GHR: variants seen among roughly 807,000 people sequenced by gnomAD.
GHR encodes growth hormone receptor.
Under a neutral mutation model 67.1 loss-of-function variants are expected in GHR, and 35 were observed. The observed-to-expected ratio is 0.52, with a 90% confidence interval of 0.40 to 0.69. GHR has a LOEUF of 0.69. GHR is among the 30% of genes least tolerant of loss of function. The probability of loss-of-function intolerance (pLI) is 0.00; values close to 1 mark genes in which losing one functional copy is unlikely to be tolerated. For synonymous variants in GHR, 272 were observed against 269.1 expected (o/e 1.01, Z -0.10); for missense variants, 792 against 764.6 (o/e 1.04, Z -0.42).
intron 1 of GHR, among the ~76,000 whole-genome samples, chr5:42,443,917 G>T (rs969001420): frequency 8.6e-5 from 13 of 151,480 alleles, no homozygotes; most frequent in Non-Finnish European, 1.6e-4. Flanking sequence ...CAACATATCT[G>T]GGCACCATGG....
chr5:42,716,427 G>A (rs1467230562), intron 8 of GHR, among the ~76,000 whole-genome samples: 1 of 152,114 alleles, frequency 6.6e-6, no homozygotes, highest in Non-Finnish European at 1.5e-5. Flanking sequence ...GGCTTTTCAA[G>A]CCATACAGTC....
At chr5:42,478,711 T>C (rs1442056048) in intron 1 of GHR, among the ~76,000 whole-genome samples, 1 of 152,206 alleles carries the variant, frequency 6.6e-6, no homozygotes, top group Non-Finnish European at 1.5e-5. Context: ...ATAAGAATGC[T>C]TGTGATTTTT....
chr5:42,478,346 A>C (rs1262623085), intron 1 of GHR, among the ~76,000 whole-genome samples: 1 of 152,228 alleles, frequency 6.6e-6, no homozygotes, highest in African/African-American at 2.4e-5. Context: ...CTTTTGGCTT[A>C]GGATTGACTT....
chr5:42,640,855 G>C (rs990828409), intron 3 of GHR, among the ~76,000 whole-genome samples: 3 of 152,002 alleles, frequency 2.0e-5, no homozygotes, highest in Non-Finnish European at 4.4e-5. Context: ...ACCCTCGTTT[G>C]AGAATCCCTG....
intron 1 of GHR, among the ~76,000 whole-genome samples, chr5:42,491,615 T>C (rs914526488): frequency 1.3e-5 from 2 of 152,234 alleles, no homozygotes; most frequent in African/African-American, 4.8e-5. Flanking sequence ...AGAACAGGCA[T>C]ACCTTATTGT....
At chr5:42,608,339 A>G (rs1580048571) in intron 2 of GHR, among the ~76,000 whole-genome samples, 1 of 152,316 alleles carries the variant, frequency 6.6e-6, no homozygotes, top group Non-Finnish European at 1.5e-5. Context: ...TTTTTTTTGT[A>G]GTACAAAGTT....
chr5:42,602,614 G>A (rs1282750165), intron 2 of GHR, among the ~76,000 whole-genome samples: 1 of 151,972 alleles, frequency 6.6e-6, no homozygotes, highest in Non-Finnish European at 1.5e-5. Context: ...TCAGTGTTTT[G>A]TTGGATTTTT....
At chr5:42,578,688 A>T (rs1750902146) in intron 2 of GHR, among the ~76,000 whole-genome samples, 1 of 152,218 alleles carries the variant, frequency 6.6e-6, no homozygotes, top group African/African-American at 2.4e-5. Context: ...TCATATATTC[A>T]TGTAGTTTTT....
chr5:42,449,571 G>A (rs1209075583), intron 1 of GHR, among the ~76,000 whole-genome samples: 1 of 152,104 alleles, frequency 6.6e-6, no homozygotes, highest in Non-Finnish European at 1.5e-5. Context: ...ATACAATCAT[G>A]TCATTGGTGA....
intron 1 of GHR, among the ~76,000 whole-genome samples, chr5:42,476,809 G>A (rs1297860419): frequency 6.6e-6 from 1 of 152,044 alleles, no homozygotes; most frequent in Admixed American, 6.5e-5. Flanking sequence ...CCCTGATAGG[G>A]GATGGTCTCT....
At chr5:42,438,592 T>C (rs933243282) in intron 1 of GHR, among the ~76,000 whole-genome samples, 19 of 152,212 alleles carry the variant, frequency 1.2e-4, no homozygotes, top group African/African-American at 3.4e-4. Context: ...TTTGAGCTGC[T>C]CTGTGGAAAG....
At chr5:42,689,064 C>A (rs752664268) in intron 4 of GHR, 45 bp downstream of exon 4, 1 of 1,539,914 alleles carries the variant, frequency 6.5e-7, no homozygotes, top group East Asian at 2.2e-5. Context: ...ATGGATGTAC[C>A]TACTAAAGTA....
intron 6 of GHR, among the ~76,000 whole-genome samples, chr5:42,710,070 T>C (rs920425158): frequency 2.7e-5 from 4 of 150,554 alleles, no homozygotes; most frequent in African/African-American, 9.8e-5. Flanking sequence ...AAGAAAAAAA[T>C]AATAAAGTAA....
At chr5:42,574,875 A>G (rs182853511) in intron 2 of GHR, among the ~76,000 whole-genome samples, 1 of 152,302 alleles carries the variant, frequency 6.6e-6, no homozygotes, top group African/African-American at 2.4e-5. Context: ...TGATGCCTTA[A>G]AGCAGAGGGT....
chr5:42,425,750 C>T lies in GHR; in HGVS notation c.-12+1795C>T, dbSNP rs143734398. Among the ~76,000 whole-genome samples, 14 of 152,308 alleles carry T rather than the reference C, an allele frequency of 9.2e-5. No individual in the cohort carries two copies. The East Asian group carries it at 2.3e-3, about 25-fold the overall frequency. On this transcript the variant is annotated intron_variant, in intron 1 of 9. Coordinates refer to ENST00000230882, the MANE Select transcript of GHR (RefSeq NM_000163.5). ...AAGAGGTTGTCCCGTCTCTCATCAT[C>T]TTCTTCCACCCTTATAAACTTTTTG...
chr5:42,466,319 G>A (rs2112075077), intron 1 of GHR, among the ~76,000 whole-genome samples: 1 of 152,280 alleles, frequency 6.6e-6, no homozygotes, highest in East Asian at 1.9e-4. Context: ...GCCATTTCCT[G>A]TTTCTGTCCA....
At chr5:42,704,112 G>A (rs1758061084) in intron 6 of GHR, among the ~76,000 whole-genome samples, 1 of 151,902 alleles carries the variant, frequency 6.6e-6, no homozygotes, top group South Asian at 2.1e-4. Context: ...GAATAAAAAT[G>A]GCAAGAGTAG....
chr5:42,623,133 A>G (rs1753537572), intron 2 of GHR, among the ~76,000 whole-genome samples: 1 of 152,188 alleles, frequency 6.6e-6, no homozygotes, highest in African/African-American at 2.4e-5. Context: ...ATCACTAATT[A>G]TATTGTAAAT....
At chr5:42,515,263 G>C (rs1747188050) in intron 1 of GHR, among the ~76,000 whole-genome samples, 1 of 152,168 alleles carries the variant, frequency 6.6e-6, no homozygotes, top group Admixed American at 6.5e-5. Flanking sequence ...TTTCCTTGTA[G>C]TTTATTTTGG....
Sources: allele counts gnomAD v4.1 joint callset (sites outside exome capture counted in the v4.1 genomes callset), GRCh38; gene constraint gnomAD v4.1.1; transcripts MANE v1.5; gene names NCBI Gene and HGNC (gene_info 2026-07-23, HGNC 2026-07-21).